NPAS3: variants seen among roughly 807,000 people sequenced by gnomAD.
The protein encoded by NPAS3 is neuronal PAS domain protein 3.
In NPAS3, 14 loss-of-function variants were observed where a neutral mutation model predicts 73.1. That is an observed-to-expected ratio of 0.19 (90% confidence interval 0.13 to 0.30). The LOEUF (loss-of-function observed/expected upper bound fraction) is 0.30, where lower values mean the gene tolerates loss of function less well. Among genes scored for constraint, NPAS3 ranks in the 10% least tolerant of loss-of-function variants. The pLI is 1.00. For missense variants in NPAS3, 1,096 were observed against 1,250.0 expected (o/e 0.88, Z 1.86); for synonymous variants, 620 against 541.5 (o/e 1.14, Z -2.01).
At chr14:33,432,192 T>G (rs762854949) in intron 4 of NPAS3, among the ~76,000 whole-genome samples, 7 of 152,164 alleles carry the variant, frequency 4.6e-5, no homozygotes, top group Non-Finnish European at 7.4e-5. Context: ...AACTGTAGTT[T>G]CTAATAAAAG....
intron 1 of NPAS3, among the ~76,000 whole-genome samples, chr14:32,984,009 A>G (rs2038002496): frequency 6.6e-6 from 1 of 152,230 alleles, no homozygotes; most frequent in Non-Finnish European, 1.5e-5. Flanking sequence ...GGTGTGAGGC[A>G]CTGCACCCGG....
chr14:33,143,491 CA>C (rs951065915), intron 2 of NPAS3, among the ~76,000 whole-genome samples: 136 of 140,076 alleles, frequency 9.7e-4, no homozygotes, highest in Admixed American at 1.1e-3. Context: ...AACTCTGTCT[CA>C]AAAAAAAAAA....
At chr14:33,526,514 G>C (rs1288884239) in intron 4 of NPAS3, among the ~76,000 whole-genome samples, 1 of 151,888 alleles carries the variant, frequency 6.6e-6, no homozygotes, top group Non-Finnish European at 1.5e-5. Context: ...GGCTGATTCT[G>C]TAAAATAATG....
At chr14:33,190,878 A>G (rs1316880996) in intron 2 of NPAS3, among the ~76,000 whole-genome samples, 3 of 152,180 alleles carry the variant, frequency 2.0e-5, no homozygotes, top group Non-Finnish European at 4.4e-5. Context: ...TACAGCTTGG[A>G]TAATTACTTT....
Position 33,776,521 on chromosome 14 carries a change from T to TAAA in NPAS3, c.1047-1907_1047-1905dup, listed in dbSNP as rs552348267. Among the ~76,000 whole-genome samples the TAAA allele has an allele frequency of 6.6e-4, 21 of 32,056 alleles. 2 individuals are homozygous for TAAA. The highest frequency in any genetic ancestry group is 1.1e-3 in the East Asian group (1 of 898). 21.0% of individuals were successfully genotyped at this position (32,056 alleles called of 152,430 possible). On this transcript the variant is annotated intron_variant, in intron 8 of 11. Transcript: ENST00000356141. ...CTGCTTTTGGCGTTTTTCTTCCTCTTAAAAAAAAAAAAAAAAAAAAAAAAA... is the reference window on the plus strand; with the variant it reads ...CTGCTTTTGGCGTTTTTCTTCCTCTTAAAAAAAAAAAAAAAAAAAAAAAAAAAA...
chr14:33,779,034 G>A (rs920339572), intron 9 of NPAS3, among the ~76,000 whole-genome samples: 3 of 152,228 alleles, frequency 2.0e-5, no homozygotes, highest in Non-Finnish European at 1.5e-5. Context: ...AGATGGGGCA[G>A]AGCACGTTCT....
chr14:33,155,950 T>C (rs772077816), intron 2 of NPAS3, among the ~76,000 whole-genome samples: 1 of 152,218 alleles, frequency 6.6e-6, no homozygotes, highest in Non-Finnish European at 1.5e-5. Flanking sequence ...TAATTTAAAC[T>C]TGTTTTAAAA....
intron 1 of NPAS3, among the ~76,000 whole-genome samples, chr14:32,997,562 G>A (rs2038629792): frequency 6.6e-6 from 1 of 152,090 alleles, no homozygotes; most frequent in Non-Finnish European, 1.5e-5. Context: ...GGTCTCATGA[G>A]ATCTGATGGT....
chr14:33,411,780 C>A (rs1258102437), intron 4 of NPAS3, among the ~76,000 whole-genome samples: 1 of 150,682 alleles, frequency 6.6e-6, no homozygotes, highest in Admixed American at 6.6e-5. Context: ...CAGCCATCTA[C>A]AAGTGCTTAG....
intron 1 of NPAS3, among the ~76,000 whole-genome samples, chr14:33,022,620 G>C (rs762778671): frequency 2.3e-4 from 33 of 140,700 alleles, no homozygotes; most frequent in Non-Finnish European, 4.6e-4. Context: ...AGCCGAGATC[G>C]CGCCACCGCA....
intron 2 of NPAS3, among the ~76,000 whole-genome samples, chr14:33,149,864 C>T (rs1225434634): frequency 6.6e-6 from 1 of 152,096 alleles, no homozygotes; most frequent in Non-Finnish European, 1.5e-5. Flanking sequence ...TATACACATG[C>T]CATGGTGGTG....
At chr14:33,522,570 G>A (rs1436881627) in intron 4 of NPAS3, among the ~76,000 whole-genome samples, 1 of 152,120 alleles carries the variant, frequency 6.6e-6, no homozygotes, top group African/African-American at 2.4e-5. Flanking sequence ...ATTTTCTGAT[G>A]TTGGAAATAA....
At chr14:33,549,348 G>A (rs553501437) in intron 4 of NPAS3, among the ~76,000 whole-genome samples, 4 of 152,132 alleles carry the variant, frequency 2.6e-5, no homozygotes, top group South Asian at 4.2e-4. Context: ...CCTCCCACCC[G>A]AGTCTCCTGA....
chr14:33,697,690 T>G (rs540260090), intron 6 of NPAS3, among the ~76,000 whole-genome samples: 2 of 152,326 alleles, frequency 1.3e-5, no homozygotes, highest in African/African-American at 4.8e-5. Context: ...TTGTAACTTA[T>G]CTGCTGACTG....
At chr14:33,597,447 T>C (rs763469043) in intron 5 of NPAS3, among the ~76,000 whole-genome samples, 9 of 152,148 alleles carry the variant, frequency 5.9e-5, no homozygotes, top group Non-Finnish European at 1.2e-4. Context: ...ACATAAAGAG[T>C]AATTTTCGTC....
intron 5 of NPAS3, among the ~76,000 whole-genome samples, chr14:33,658,462 C>T (rs1056693893): frequency 3.3e-5 from 5 of 152,150 alleles, no homozygotes; most frequent in Non-Finnish European, 5.9e-5. Flanking sequence ...ATGCAGTATA[C>T]CAGCAAGTCT....
At chr14:33,582,211 T>A (rs1361267191) in intron 5 of NPAS3, 1 of 152,244 alleles carries the variant, frequency 6.6e-6, no homozygotes, top group Non-Finnish European at 1.5e-5. Flanking sequence ...TCATCCATTT[T>A]CTCATACCCT....
intron 3 of NPAS3, among the ~76,000 whole-genome samples, chr14:33,349,344 ATTCT>A (rs1317171605): frequency 6.6e-6 from 1 of 152,236 alleles, no homozygotes; most frequent in Non-Finnish European, 1.5e-5. Flanking sequence ...TTATCGTCAA[ATTCT>A]TTCTATGATA....
intron 5 of NPAS3, among the ~76,000 whole-genome samples, chr14:33,625,819 A>G (rs2058203955): frequency 6.6e-6 from 1 of 152,204 alleles, no homozygotes; most frequent in Non-Finnish European, 1.5e-5. Flanking sequence ...GGAAAATGAT[A>G]AAGCAATAGG....
Sources: gnomAD v4.1 joint callset for allele counts (sites outside exome capture counted in the v4.1 genomes callset) on GRCh38, gnomAD v4.1.1 for gene constraint, MANE v1.5 for transcripts, NCBI Gene and HGNC (gene_info 2026-07-23, HGNC 2026-07-21) for gene names.